The following DISP1 variants were observed in gnomAD, a reference collection of about 807,000 sequenced individuals.
DISP1 encodes the protein protein dispatched homolog 1.
In DISP1, 30 loss-of-function variants were observed where a neutral mutation model predicts 37.3. The ratio of observed to expected loss-of-function variants is 0.80; its 90% CI spans 0.60 to 1.09. DISP1 has a LOEUF of 1.09. DISP1 is among the 50% of genes least tolerant of loss of function. DISP1 has a pLI of 0.00. For synonymous variants in DISP1, 634 were observed against 690.2 expected, an observed-to-expected ratio of 0.92 and a Z score of 1.28; for missense variants, 1,598 against 1,879.5, an observed-to-expected ratio of 0.85 and a Z score of 2.77.
chr1:222,912,199 T>C (rs889639830), intron 1 of DISP1, among the ~76,000 whole-genome samples: 5 of 152,182 alleles, frequency 3.3e-5, no homozygotes, highest in African/African-American at 1.2e-4. Context: ...AAAAATAAGT[T>C]GGAACTTAAA....
At chr1:222,949,016 C>G (rs1452486383) in intron 3 of DISP1, among the ~76,000 whole-genome samples, 1 of 152,114 alleles carries the variant, frequency 6.6e-6, no homozygotes, top group Non-Finnish European at 1.5e-5. Flanking sequence ...ATTCTTTAAG[C>G]TTTAATAAAT....
intron 2 of DISP1, among the ~76,000 whole-genome samples, chr1:222,930,988 A>C (rs554941619): frequency 1.3e-5 from 2 of 152,186 alleles, no homozygotes; most frequent in East Asian, 3.9e-4. Context: ...TCTGCAGGGA[A>C]GAACCCATTT....
intron 1 of DISP1, among the ~76,000 whole-genome samples, chr1:222,826,422 C>G (rs1401296171): frequency 6.8e-6 from 1 of 146,484 alleles, no homozygotes; most frequent in Non-Finnish European, 1.5e-5. Flanking sequence ...ACTCTGTCAC[C>G]TGGGCTGGAG....
intron 1 of DISP1, among the ~76,000 whole-genome samples, chr1:222,901,843 A>G (rs1280905724): frequency 6.6e-6 from 1 of 152,220 alleles, no homozygotes; most frequent in Non-Finnish European, 1.5e-5. Flanking sequence ...TTTTTGTCAG[A>G]AATGCTACAA....
intron 1 of DISP1, among the ~76,000 whole-genome samples, chr1:222,872,738 C>T (rs1406721726): frequency 7.2e-5 from 11 of 152,044 alleles, no homozygotes; most frequent in Non-Finnish European, 1.6e-4. Context: ...CCTGGATTCA[C>T]TGATTTTTTG....
rs139599111 is a variant in DISP1, at chr1:222,923,665, T to A, written c.-158-4765T>A. On this transcript the variant is annotated intron_variant, in intron 1 of 8. Transcript: ENST00000675850. ...GGAGCATGAGAAAGATTTCCAGCCA[T>A]GCTTGTGGAGATTTCCAGTGGAGAA... 8.3e-3 allele frequency among the ~76,000 whole-genome samples: 1,261 copies of A among 152,294 alleles called. 13 individuals carry two copies. The highest frequency in any genetic ancestry group is 0.028 in the African/African-American group (1,184 of 41,564).
intron 3 of DISP1, among the ~76,000 whole-genome samples, chr1:222,955,254 T>C (rs1172787311): frequency 1.3e-5 from 2 of 152,040 alleles, no homozygotes; most frequent in Non-Finnish European, 2.9e-5. Context: ...GCCCAGCTAA[T>C]TTTTTTATTT....
intron 2 of DISP1, among the ~76,000 whole-genome samples, chr1:222,936,305 C>A (rs1312323733): frequency 6.6e-6 from 1 of 152,006 alleles, no homozygotes; most frequent in African/African-American, 2.4e-5. Flanking sequence ...ATATCCCCGT[C>A]CTTAGGTGAT....
chr1:222,937,325 C>T (rs981043766), intron 2 of DISP1, among the ~76,000 whole-genome samples: 6 of 151,828 alleles, frequency 4.0e-5, no homozygotes, highest in Admixed American at 6.6e-5. Context: ...CTCCTGACCT[C>T]GTGATCCACC....
At chr1:222,866,793 G>A (rs987221117) in intron 1 of DISP1, among the ~76,000 whole-genome samples, 1 of 152,070 alleles carries the variant, frequency 6.6e-6, no homozygotes, top group African/African-American at 2.4e-5. Context: ...CTATACATTT[G>A]CAGTTTGGCA....
At chr1:222,875,897 T>G (rs1007797039) in intron 1 of DISP1, among the ~76,000 whole-genome samples, 4 of 151,376 alleles carry the variant, frequency 2.6e-5, no homozygotes, top group Admixed American at 6.6e-5. Context: ...AGATGCCTGT[T>G]ATGAATTAAC....
At position 223,005,152 on chromosome 1, in the gene DISP1, T is replaced by TCA; in HGVS notation, c.3755_3756insCA (p.Leu1252PhefsTer17). 1 of 1,614,206 alleles carries TCA rather than the reference T, an allele frequency of 6.2e-7. No homozygotes were observed. On this transcript the variant is annotated frameshift_variant, in exon 9 of 9. Coordinates refer to ENST00000675850, the MANE Select transcript of DISP1 (RefSeq NM_001377229.1). LOFTEE classifies it low-confidence loss of function (END_TRUNC). ...GAAAGTGACGCTGGCTCTGCCTTGT[T>TCA]ACAGCCCCCTCTTGAACAGCATACC...
rs1044443261 is a variant in DISP1, at chr1:222,815,074, T to C, written c.-163T>C. 1 of 152,144 alleles carries C rather than the reference T, an allele frequency of 6.6e-6. No homozygotes were observed. The highest frequency in any genetic ancestry group is 1.5e-5 in the Non-Finnish European group (1 of 68,074). 9.4% of individuals were successfully genotyped at this position (152,144 alleles called of 1,614,324 possible). On this transcript the variant is annotated 5_prime_UTR_variant, in exon 1 of 9. Transcript: ENST00000675850. The stretch of plus-strand genomic sequence containing the variant: ...CGGGCCAGCATCCGAGAGCCCGGAC[T>C]GGAGGTGAGTTCGCAGCCGGAACGT...
intron 3 of DISP1, among the ~76,000 whole-genome samples, chr1:222,966,920 G>T (rs1676538056): frequency 6.6e-6 from 1 of 152,102 alleles, no homozygotes; most frequent in Non-Finnish European, 1.5e-5. Flanking sequence ...ATATACACTT[G>T]GAAGGCAGGG....
chr1:222,971,180 G>T (rs986593328), intron 3 of DISP1, among the ~76,000 whole-genome samples: 2 of 152,044 alleles, frequency 1.3e-5, no homozygotes, highest in Non-Finnish European at 2.9e-5. Context: ...TAAATTTTAA[G>T]TTAGAGATTA....
intron 1 of DISP1, among the ~76,000 whole-genome samples, chr1:222,898,282 T>A (rs1398331477): frequency 6.6e-6 from 1 of 151,992 alleles, no homozygotes; most frequent in Non-Finnish European, 1.5e-5. Context: ...TAAATAGAAT[T>A]TTTTTTTAAA....
chr1:222,833,056 A>G (rs1034839286), intron 1 of DISP1, among the ~76,000 whole-genome samples: 1 of 152,014 alleles, frequency 6.6e-6, no homozygotes, highest in Non-Finnish European at 1.5e-5. Flanking sequence ...AATTGAGGCA[A>G]TGGGGGTTCT....
intron 3 of DISP1, among the ~76,000 whole-genome samples, chr1:222,958,646 A>C (rs534126618): frequency 6.6e-6 from 1 of 152,304 alleles, no homozygotes; most frequent in African/African-American, 2.4e-5. Context: ...TATATATTTT[A>C]GTCTTCTTTG....
chr1:222,854,623 G>T (rs771988369), intron 1 of DISP1, among the ~76,000 whole-genome samples: 2 of 152,086 alleles, frequency 1.3e-5, no homozygotes, highest in African/African-American at 2.4e-5. Context: ...GGGCACTAAG[G>T]AATACCGTTT....
Sources: gnomAD v4.1 joint callset for allele counts (sites outside exome capture counted in the v4.1 genomes callset) on GRCh38, gnomAD v4.1.1 for gene constraint, MANE v1.5 for transcripts, NCBI Gene and HGNC (gene_info 2026-07-23, HGNC 2026-07-21) for gene names.